The following PDZD7 variants were observed in gnomAD, a reference collection of about 807,000 sequenced individuals.
PDZD7 encodes PDZ domain-containing protein 7.
PDZD7 carries 72 observed loss-of-function variants against 84.7 expected under a neutral mutation model. The ratio of observed to expected loss-of-function variants is 0.85; its 90% CI spans 0.70 to 1.03. PDZD7 has a LOEUF of 1.03. PDZD7 is among the 50% of genes least tolerant of loss of function. The pLI is 0.00. For synonymous variants in PDZD7, 594 were observed against 580.7 expected, an observed-to-expected ratio of 1.02 and a Z score of -0.33; for missense variants, 1,490 against 1,412.9, an observed-to-expected ratio of 1.05 and a Z score of -0.87.
In PDZD7 at chr10:101,010,697, G is replaced by A. The variant is rs1471797230; in HGVS notation, c.2192C>T (p.Ala731Val). 6 of 1,279,144 alleles carry A rather than the reference G, an allele frequency of 4.7e-6. No individual in the cohort carries two copies. The African/African-American group carries it at 6.3e-5, about 13-fold the overall frequency. The allele number at this position is 1,279,144 out of a possible 1,614,324, so 79.2% of individuals were successfully genotyped here. A position where few individuals can be genotyped will look rare whatever the true frequency, so the allele number is the denominator to read the frequency against. Residue 731 changes from alanine to valine, a missense_variant, in exon 15 of 17, where the codon GCC becomes GTC. Coordinates refer to ENST00000619208, the MANE Select transcript of PDZD7 (RefSeq NM_001195263.2). ...GGGTAGCTGGGGAGGGGGTGTGCAG[G>A]CAATTCGGAGGGGGGTGAAGGCATC... ...PVDAFTPLRI[A>V]CTPPPQLPPV...
Position 101,023,549 on chromosome 10 carries a change from G to A in PDZD7, c.429C>T (p.Ser143=), listed in dbSNP as rs1267890389. 6.2e-7 allele frequency: 1 copy of A among 1,614,004 alleles called. No individual in the cohort carries two copies. Among genetic ancestry groups the A allele is most frequent in the Admixed American group, 1.7e-5 (1 of 60,036 alleles). The change falls in exon 4 of 17, where the codon AGC becomes AGT. Residue 143 remains serine (S), a synonymous_variant. Coordinates refer to ENST00000619208, the MANE Select transcript of PDZD7 (RefSeq NM_001195263.2). Reference sequence around the variant, plus strand: ...CCTTTACGGCGCTACCCATGGTGGTGCTCTCCAGGCTCAGCCCATTCACCT... The same window carrying A: ...CCTTTACGGCGCTACCCATGGTGGTACTCTCCAGGCTCAGCCCATTCACCT... ...ITEVNGLSLE[S]TTMGSAVKVL... is the part of the protein sequence containing the mutation.
chr10:101,016,247 C>G (rs1489633224), intron 10 of PDZD7, 130 bp downstream of exon 10: 1 of 937,646 alleles, frequency 1.1e-6, no homozygotes, highest in Non-Finnish European at 1.7e-6. Context: ...ACATACCATT[C>G]TAGCTGCCTG....
chr10:101,010,767 G>C lies in PDZD7; in HGVS notation c.2122C>G (p.Arg708Gly). 3.9e-6 allele frequency: 6 copies of C among 1,535,442 alleles called. No homozygotes were observed. Among genetic ancestry groups the C allele is most frequent in the Non-Finnish European group, 5.2e-6 (6 of 1,146,806 alleles). The change falls in exon 15 of 17, where the codon CGC becomes GGC. Residue 708 changes from arginine to glycine, a missense_variant. Transcript: ENST00000619208. ...GGGGGGATCCCTTTATGGGGGTGGC[G>C]AGGGGCAGAGGCACTTGGGGAGACC... ...LKVSPSASAP[R>G]HPHKGIPPLQ...
At chr10:101,024,765 T>C (rs1937605845) in intron 2 of PDZD7, among the ~76,000 whole-genome samples, 1 of 141,226 alleles carries the variant, frequency 7.1e-6, no homozygotes, top group South Asian at 2.3e-4. Flanking sequence ...GTGAGACCCC[T>C]GTCTCAAAAA....
In PDZD7 at chr10:101,011,504, T is replaced by C. The variant is rs971992258; in HGVS notation, c.2005+186A>G. ...GGGTTTCAAACCAACTATTAAGTAATAGTACAGGTGGTGACCAGCAGATGT... is the reference window on the plus strand; with the variant it reads ...GGGTTTCAAACCAACTATTAAGTAACAGTACAGGTGGTGACCAGCAGATGT... On this transcript the variant is annotated intron_variant, in intron 14 of 16. Coordinates refer to ENST00000619208, the MANE Select transcript of PDZD7 (RefSeq NM_001195263.2). 21 of 1,417,616 alleles carry C rather than the reference T, an allele frequency of 1.5e-5. No individual in the cohort carries two copies. In the East Asian group the frequency reaches 5.1e-4, roughly 34 times the overall value. The allele number at this position is 1,417,616 out of a possible 1,614,324, so 87.8% of individuals were successfully genotyped here.
chr10:101,011,320 CG>C, intron 14 of PDZD7: 2 of 407,434 alleles, frequency 4.9e-6, no homozygotes, highest in Non-Finnish European at 4.0e-6. Flanking sequence ...GGATTACAGG[CG>C]TGAGCCACCG....
chr10:101,009,671 G>A (rs1241649951), intron 15 of PDZD7, among the ~76,000 whole-genome samples: 10 of 122,182 alleles, frequency 8.2e-5, no homozygotes, highest in Non-Finnish European at 1.3e-4. Flanking sequence ...GCAATGGCAC[G>A]ATCTCGGCTC....
rs1339147141 is a variant in PDZD7, at chr10:101,012,021, G to C, written c.1842-5C>G. On this transcript the variant is annotated splice_polypyrimidine_tract_variant and splice_region_variant and intron_variant, in intron 12 of 16. Transcript: ENST00000619208. Reference sequence around the variant, plus strand: ...TCTGTGGGGGCCACCACACTCCTGGGAGAGGGCGAGAGACAGCAGGGGTGG... The same window carrying C: ...TCTGTGGGGGCCACCACACTCCTGGCAGAGGGCGAGAGACAGCAGGGGTGG... The C allele has an allele frequency of 2.6e-6, 4 of 1,548,770 alleles. No homozygotes were observed. The highest frequency in any genetic ancestry group is 2.6e-6 in the Non-Finnish European group (3 of 1,145,466).
At chr10:101,020,198 C>G (rs908104663) in intron 7 of PDZD7, among the ~76,000 whole-genome samples, 1 of 152,138 alleles carries the variant, frequency 6.6e-6, no homozygotes, top group Non-Finnish European at 1.5e-5. Context: ...ACCTCTGCCT[C>G]CTGGGTTCAA....
chr10:101,012,033 G>T lies in PDZD7; in HGVS notation c.1842-17C>A. ...ACCACACTCCTGGGAGAGGGCGAGA[G>T]ACAGCAGGGGTGGGAGGGGCAGGCA... is the stretch of plus-strand genomic sequence containing the variant. On this transcript the variant is annotated splice_polypyrimidine_tract_variant and intron_variant, in intron 12 of 16. Coordinates refer to ENST00000619208, the MANE Select transcript of PDZD7 (RefSeq NM_001195263.2). 3.9e-6 allele frequency: 6 copies of T among 1,546,496 alleles called. No individual in the cohort carries two copies. Among genetic ancestry groups the T allele is most frequent in the Non-Finnish European group, 5.2e-6 (6 of 1,143,580 alleles).
chr10:101,015,377 T>A (rs972976082), intron 11 of PDZD7, among the ~76,000 whole-genome samples: 8 of 152,224 alleles, frequency 5.3e-5, no homozygotes. Flanking sequence ...CGTCTCATGT[T>A]CTTTTTCTTC....
intron 2 of PDZD7, among the ~76,000 whole-genome samples, chr10:101,025,563 T>TTTAA (rs1937637396): frequency 6.7e-6 from 1 of 149,574 alleles, no homozygotes; most frequent in Non-Finnish European, 1.5e-5. Context: ...TATTTATTTA[T>TTTAA]CTGAGACAGA....
At chr10:101,020,232 C>T (rs765910661) in intron 7 of PDZD7, among the ~76,000 whole-genome samples, 22 of 152,124 alleles carry the variant, frequency 1.4e-4, no homozygotes, top group South Asian at 6.2e-4. Context: ...CTCAGGCTCC[C>T]GAGTAGCTGG....
chr10:101,030,044 C>A lies in PDZD7; in HGVS notation c.176G>T (p.Arg59Leu), dbSNP rs547919358. ...GACGCGTCCCATGGGCGATGAGGCTCGGATTCCGCGGGGGGGCCCGTTCAG... is the reference window on the plus strand; with the variant it reads ...GACGCGTCCCATGGGCGATGAGGCTAGGATTCCGCGGGGGGGCCCGTTCAG... ...RLLNGPPRGIRASSPMGRVIL... is the reference protein window; with the variant it reads ...RLLNGPPRGILASSPMGRVIL... The change falls in exon 2 of 17, where the codon CGA becomes CTA. Residue 59 changes from arginine to leucine, a missense_variant. Arg to Leu is a moderately radical substitution (Grantham distance 102). Coordinates refer to ENST00000619208, the MANE Select transcript of PDZD7 (RefSeq NM_001195263.2). 1 of 1,613,920 alleles carries A rather than the reference C, an allele frequency of 6.2e-7. No homozygotes were observed. The highest frequency in any genetic ancestry group is 2.2e-5 in the East Asian group (1 of 44,884).
At position 101,012,189 on chromosome 10, in the gene PDZD7, G is replaced by A. The variant is rs1208745457; in HGVS notation, c.1819C>T (p.Leu607=). The A allele has an allele frequency of 1.2e-5, 18 of 1,550,352 alleles. No homozygotes were observed. Among genetic ancestry groups the A allele is most frequent in the Non-Finnish European group, 1.6e-5 (18 of 1,146,992 alleles). The change falls in exon 12 of 17, where the codon CTG becomes TTG. Residue 607 remains leucine (L), a synonymous_variant. Transcript: ENST00000619208. ...LLAILDRPEK[L]LLLQDIRSVV... The stretch of plus-strand genomic sequence containing the variant: ...CACCTGATGTCCTGCAGCAGTAGCA[G>A]CTTCTCCGGCCTGTCGAGGATGGCC...
chr10:101,017,121 A>G (rs1473014895), intron 9 of PDZD7, among the ~76,000 whole-genome samples: 4 of 152,116 alleles, frequency 2.6e-5, no homozygotes, highest in African/African-American at 9.7e-5. Context: ...TCCCTCCCAC[A>G]TCACAGCGAT....
chr10:101,027,863 AATGG>A (rs1296375516), intron 2 of PDZD7, among the ~76,000 whole-genome samples: 1 of 152,166 alleles, frequency 6.6e-6, no homozygotes, highest in Non-Finnish European at 1.5e-5. Flanking sequence ...TGAAAGAATA[AATGG>A]ATGGATGGAT....
Position 101,018,931 on chromosome 10 carries a change from G to T in PDZD7, c.1215C>A (p.Gly405=). The T allele has an allele frequency of 6.2e-7, 1 of 1,603,032 alleles. No individual in the cohort carries two copies. Among genetic ancestry groups the T allele is most frequent in the Non-Finnish European group, 8.5e-7 (1 of 1,175,548 alleles). Residue 405 remains glycine, a synonymous_variant, in exon 8 of 17, where the codon GGC becomes GGA. Coordinates refer to ENST00000619208, the MANE Select transcript of PDZD7 (RefSeq NM_001195263.2). ...CAGAGAGCGCAGAGTCAAGGCGGCG[G>T]CCGGGATGGGGGCCGTCCGAGCGGA... ...TAIRSDGPHP[G]RRLDSALSES... is the part of the protein sequence containing the mutation.
chr10:101,016,715 G>A (rs957608066), intron 9 of PDZD7, among the ~76,000 whole-genome samples: 1 of 152,238 alleles, frequency 6.6e-6, no homozygotes, highest in African/African-American at 2.4e-5. Context: ...CTCAGGGACA[G>A]AGCTTGGAGA....
Sources: allele counts gnomAD v4.1 joint callset (sites outside exome capture counted in the v4.1 genomes callset), GRCh38; gene constraint gnomAD v4.1.1; transcripts MANE v1.5; gene names NCBI Gene and HGNC (gene_info 2026-07-23, HGNC 2026-07-21).